Variants in TAFA1 observed in about 807,000 individuals in gnomAD.
The protein encoded by TAFA1 is chemokine-like protein TAFA-1.
TAFA1 carries 4 observed loss-of-function variants against 18.5 expected under a neutral mutation model. That is an observed-to-expected ratio of 0.22 (90% CI 0.11 to 0.49). The LOEUF (loss-of-function observed/expected upper bound fraction) is 0.49, where lower values mean the gene tolerates loss of function less well. Among genes scored for constraint, TAFA1 ranks in the 20% least tolerant of loss-of-function variants. The pLI is 0.98. For missense variants in TAFA1, 147 were observed against 169.0 expected, an observed-to-expected ratio of 0.87 and a Z score of 0.72; for synonymous variants, 56 against 55.2, an observed-to-expected ratio of 1.01 and a Z score of -0.06.
upstream of TAFA1, among the ~76,000 whole-genome samples, chr3:68,003,933 T>C (rs1180221520): frequency 1.3e-5 from 2 of 152,160 alleles, no homozygotes; most frequent in African/African-American, 4.8e-5. Flanking sequence ...AATTTACTGG[T>C]AAAAAGAACA....
chr3:68,230,434 T>C (rs2066858939), intron 2 of TAFA1, among the ~76,000 whole-genome samples: 1 of 152,206 alleles, frequency 6.6e-6, no homozygotes, highest in Admixed American at 6.5e-5. Flanking sequence ...ATCCATGTTG[T>C]TGCAAAAGAC....
chr3:68,469,827 G>GTT (rs2106944458), intron 3 of TAFA1, among the ~76,000 whole-genome samples: 1 of 152,224 alleles, frequency 6.6e-6, no homozygotes, highest in South Asian at 2.1e-4. Flanking sequence ...ACCAGTGATG[G>GTT]GCTGTCTAAG....
intron 2 of TAFA1, among the ~76,000 whole-genome samples, chr3:68,321,387 C>T (rs889438849): frequency 3.7e-4 from 57 of 152,044 alleles, no homozygotes; most frequent in African/African-American, 1.3e-3. Context: ...GTTAGTATGG[C>T]CATCTCCTCT....
chr3:68,408,806 C>T (rs1355929079), intron 2 of TAFA1, among the ~76,000 whole-genome samples: 1 of 152,078 alleles, frequency 6.6e-6, no homozygotes, highest in East Asian at 1.9e-4. Flanking sequence ...GGGAGTCAGG[C>T]TGAAAAAGAA....
At chr3:68,035,910 C>T (rs1705036710) in intron 2 of TAFA1, among the ~76,000 whole-genome samples, 1 of 152,106 alleles carries the variant, frequency 6.6e-6, no homozygotes. Context: ...TAAGTGAAAG[C>T]AGCCAGACAA....
intron 3 of TAFA1, among the ~76,000 whole-genome samples, chr3:68,479,083 T>C (rs2072166221): frequency 6.7e-6 from 1 of 150,230 alleles, no homozygotes; most frequent in Non-Finnish European, 1.5e-5. Flanking sequence ...ATACAAAAAT[T>C]AACTGGGCAT....
At chr3:68,375,411 C>G (rs534445695) in intron 2 of TAFA1, among the ~76,000 whole-genome samples, 1 of 152,224 alleles carries the variant, frequency 6.6e-6, no homozygotes, top group African/African-American at 2.4e-5. Flanking sequence ...CGGAGTCATT[C>G]AGAAAATACA....
intron 2 of TAFA1, chr3:68,145,234 A>G: frequency 1.3e-6 from 1 of 789,246 alleles, no homozygotes; most frequent in Non-Finnish European, 2.3e-6. Flanking sequence ...TTTGGTCAGT[A>G]GGACGAAGAG....
chr3:68,417,480 T>C, intron 3 of TAFA1, 60 bp downstream of exon 3: 1 of 1,515,218 alleles, frequency 6.6e-7, no homozygotes, highest in Non-Finnish European at 9.0e-7. Flanking sequence ...CATAATATAA[T>C]TTCTTGTTTT....
chr3:68,403,245 T>G (rs549977051), intron 2 of TAFA1, among the ~76,000 whole-genome samples: 4 of 152,318 alleles, frequency 2.6e-5, no homozygotes, highest in Admixed American at 1.3e-4. Context: ...TAATGACATA[T>G]TCATTAGAAG....
intron 2 of TAFA1, among the ~76,000 whole-genome samples, chr3:68,014,095 G>T (rs1430792706): frequency 1.3e-5 from 2 of 152,166 alleles, no homozygotes; most frequent in Non-Finnish European, 2.9e-5. Flanking sequence ...AATCCAAGCT[G>T]AATCTGTGTA....
intron 4 of TAFA1, among the ~76,000 whole-genome samples, chr3:68,541,299 C>T (rs2073369770): frequency 1.3e-5 from 2 of 152,332 alleles, no homozygotes; most frequent in East Asian, 1.9e-4. Context: ...GAAATAAGCA[C>T]TTTTAAACAC....
chr3:68,521,981 A>G (rs1264519478), intron 3 of TAFA1, among the ~76,000 whole-genome samples: 1 of 147,426 alleles, frequency 6.8e-6, no homozygotes, highest in Non-Finnish European at 1.5e-5. Flanking sequence ...GAGTAGCAAC[A>G]ACAGGAGCAC....
chr3:68,006,145 T>C (rs1704352441), intron 1 of TAFA1: 1 of 159,066 alleles, frequency 6.3e-6, no homozygotes, highest in African/African-American at 2.4e-5. Context: ...TTACTTAGTT[T>C]AGAAGACAGC....
At chr3:68,260,871 A>G (rs536183828) in intron 2 of TAFA1, among the ~76,000 whole-genome samples, 3 of 152,304 alleles carry the variant, frequency 2.0e-5, no homozygotes, top group South Asian at 4.1e-4. Context: ...CAAGGACTTC[A>G]TGTCTAAAAC....
chr3:68,007,586 G>A (rs188938212), intron 2 of TAFA1, among the ~76,000 whole-genome samples: 69 of 150,174 alleles, frequency 4.6e-4, no homozygotes, highest in South Asian at 3.4e-3. Flanking sequence ...TACTCACCCC[G>A]CCTTCACCCT....
chr3:68,525,411 A>G (rs1392992341), intron 3 of TAFA1, among the ~76,000 whole-genome samples: 2 of 152,166 alleles, frequency 1.3e-5, no homozygotes, highest in African/African-American at 4.8e-5. Context: ...CAGTCTGCCT[A>G]TTTTAAGTAG....
chr3:68,180,352 A>G (rs1481759871), intron 2 of TAFA1, among the ~76,000 whole-genome samples: 1 of 151,874 alleles, frequency 6.6e-6, no homozygotes, highest in Non-Finnish European at 1.5e-5. Context: ...TTTTATTTAT[A>G]TATGTCAGAC....
intron 2 of TAFA1, among the ~76,000 whole-genome samples, chr3:68,345,701 A>C (rs1362658857): frequency 6.6e-6 from 1 of 152,152 alleles, no homozygotes; most frequent in African/African-American, 2.4e-5. Context: ...AAATAATAAT[A>C]ATAAATAAAA....
Sources: gnomAD v4.1 joint callset for allele counts (sites outside exome capture counted in the v4.1 genomes callset) on GRCh38, gnomAD v4.1.1 for gene constraint, MANE v1.5 for transcripts, NCBI Gene and HGNC (gene_info 2026-07-23, HGNC 2026-07-21) for gene names.